Variants in UGT1A9 observed in about 807,000 individuals in gnomAD.
UGT1A9 encodes the protein UDP-glucuronosyltransferase 1A9.
A neutral mutation model predicts 45.0 loss-of-function variants in UGT1A9; 35 were observed. That is an observed-to-expected ratio of 0.78 (90% CI 0.59 to 1.03). UGT1A9 has a LOEUF of 1.03. Ranked by LOEUF, UGT1A9 falls within the 50% of genes least tolerant of loss-of-function variation. The pLI is 0.00. For missense variants in UGT1A9, 687 were observed against 666.6 expected, an observed-to-expected ratio of 1.03 and a Z score of -0.34; for synonymous variants, 278 against 250.6, an observed-to-expected ratio of 1.11 and a Z score of -1.03.
intron 2 of UGT1A9, 137 bp downstream of exon 2, chr2:233,767,302 A>C (rs951994488): frequency 6.5e-7 from 1 of 1,534,936 alleles, no homozygotes; most frequent in Non-Finnish European, 8.7e-7. Context: ...TATTAATCCA[A>C]AGGTTTTTTT....
At position 233,767,045 on chromosome 2, in the gene UGT1A9, CT is replaced by C. The variant is rs756697968; in HGVS notation, c.868del (p.Tyr290ThrfsTer73). On this transcript the variant is annotated frameshift_variant, in exon 2 of 5. Coordinates refer to ENST00000354728, the MANE Select transcript of UGT1A9 (RefSeq NM_021027.3). LOFTEE classifies it high-confidence loss of function. The part of the protein sequence containing the change: ...GKPLPMEFEA[Y>X]INASGEHGIV... The stretch of plus-strand genomic sequence containing the variant: ...TCTTCTGGCTCTAGGAATTTGAAGC[CT>C]ACATTAATGCTTCTGGAGAACATGG... 7.4e-6 allele frequency: 12 copies of C among 1,613,888 alleles called. No homozygotes were observed. The highest frequency in any genetic ancestry group is 9.3e-6 in the Non-Finnish European group (11 of 1,179,996).
At chr2:233,718,152 T>C (rs2125658477) in intron 1 of UGT1A9, 1 of 215,796 alleles carries the variant, frequency 4.6e-6, no homozygotes, top group East Asian at 9.7e-5. Flanking sequence ...AATAAAGCCT[T>C]CCCAAGAATA....
At chr2:233,672,932 C>T (rs45554333) in intron 1 of UGT1A9, 143 bp downstream of exon 1, 16,585 of 1,450,472 alleles carry the variant, frequency 0.011, 227 homozygotes, top group Admixed American at 0.04. Flanking sequence ...TGTGCCAATG[C>T]GTGTACTCGT....
chr2:233,679,709 T>C (rs1352885373), intron 1 of UGT1A9, among the ~76,000 whole-genome samples: 1 of 152,214 alleles, frequency 6.6e-6, no homozygotes, highest in Non-Finnish European at 1.5e-5. Flanking sequence ...TCCTGTTATC[T>C]GGACAATTTT....
chr2:233,695,229 G>A (rs1218832857), intron 1 of UGT1A9, among the ~76,000 whole-genome samples: 1 of 151,334 alleles, frequency 6.6e-6, no homozygotes. Context: ...GGGTTCAAGC[G>A]ATTCTCCTGC....
At chr2:233,734,101 TATA>T (rs549143261) in intron 1 of UGT1A9, among the ~76,000 whole-genome samples, 12 of 151,314 alleles carry the variant, frequency 7.9e-5, no homozygotes, top group South Asian at 4.2e-4. Flanking sequence ...AAACTTAAAG[TATA>T]ATAATAATAA....
At chr2:233,727,412 AG>A (rs1009370497) in intron 1 of UGT1A9, among the ~76,000 whole-genome samples, 2 of 152,150 alleles carry the variant, frequency 1.3e-5, no homozygotes, top group African/African-American at 2.4e-5. Context: ...GGGCCTCCTC[AG>A]GGTCTGGGAG....
At chr2:233,736,960 T>C (rs1472477561) in intron 1 of UGT1A9, among the ~76,000 whole-genome samples, 1 of 152,166 alleles carries the variant, frequency 6.6e-6, no homozygotes, top group Non-Finnish European at 1.5e-5. Context: ...TGGCCCCTAC[T>C]GGGAGGTGTT....
chr2:233,712,899 G>T, intron 1 of UGT1A9: 1 of 1,608,322 alleles, frequency 6.2e-7, no homozygotes, highest in Non-Finnish European at 8.5e-7. Flanking sequence ...TGATTTGCTA[G>T]GTGTCTCAGT....
chr2:233,760,873 C>G, intron 1 of UGT1A9: 1 of 1,614,194 alleles, frequency 6.2e-7, no homozygotes, highest in South Asian at 1.1e-5. Context: ...CGTGCCCAGG[C>G]CTCTCTCCTC....
intron 1 of UGT1A9, chr2:233,690,887 G>A (rs1559344611): frequency 1.9e-6 from 2 of 1,063,582 alleles, no homozygotes; most frequent in Non-Finnish European, 1.1e-6. Flanking sequence ...AGGAATTCAA[G>A]GGATGGTATG....
At position 233,769,586 on chromosome 2, in the gene UGT1A9, A is replaced by G; in HGVS notation, c.1295+1147A>G. ...AAGAGCTGGAGCATGTTCAGATGAG[A>G]GGAGACGGAACACGGGGACACACCA... On this transcript the variant is annotated intron_variant, in intron 4 of 4. Transcript: ENST00000354728. This position sits in a 1 kb window ranked among gnomAD's most constrained non-coding sequence, Gnocchi z 4.4. 2.5e-6 allele frequency: 4 copies of G among 1,612,900 alleles called. No individual in the cohort carries two copies. The highest frequency in any genetic ancestry group is 3.4e-6 in the Non-Finnish European group (4 of 1,179,882).
chr2:233,717,905 A>C (rs2076614960), intron 1 of UGT1A9: 1 of 454,688 alleles, frequency 2.2e-6, no homozygotes, highest in Non-Finnish European at 4.4e-6. Context: ...AGGATGAAAT[A>C]AAGGCCTGGA....
At chr2:233,680,129 C>G (rs989964167) in intron 1 of UGT1A9, among the ~76,000 whole-genome samples, 1 of 152,090 alleles carries the variant, frequency 6.6e-6, no homozygotes, top group Non-Finnish European at 1.5e-5. Flanking sequence ...CGGTACCTAT[C>G]AAGTAATTCA....
chr2:233,770,138 C>T (rs1700024160), intron 4 of UGT1A9: 1 of 152,234 alleles, frequency 6.6e-6, no homozygotes. Context: ...TCCTCTAATA[C>T]ATTATTTTTT....
At chr2:233,752,961 T>G (rs1695097435) in intron 1 of UGT1A9, among the ~76,000 whole-genome samples, 1 of 152,248 alleles carries the variant, frequency 6.6e-6, no homozygotes, top group African/African-American at 2.4e-5. Context: ...ATGGGATTTA[T>G]GTAACCAATT....
intron 1 of UGT1A9, chr2:233,718,618 T>G: frequency 1.1e-6 from 1 of 872,510 alleles, no homozygotes; most frequent in Non-Finnish European, 1.4e-6. Context: ...AAGATAGGCG[T>G]GATTGGTCTT....
intron 1 of UGT1A9, among the ~76,000 whole-genome samples, chr2:233,727,887 G>A (rs1352414906): frequency 2.0e-5 from 3 of 152,190 alleles, no homozygotes; most frequent in Non-Finnish European, 4.4e-5. Flanking sequence ...AGCAATGGCA[G>A]ACACGGCCAG....
chr2:233,750,944 C>T (rs1260619822), intron 1 of UGT1A9, among the ~76,000 whole-genome samples: 5 of 151,882 alleles, frequency 3.3e-5, no homozygotes, highest in Non-Finnish European at 7.3e-5. Flanking sequence ...AGCCCCCACA[C>T]AGAGTCTCCA....
Sources: allele counts gnomAD v4.1 joint callset (sites outside exome capture counted in the v4.1 genomes callset), GRCh38; gene constraint gnomAD v4.1.1; non-coding constraint Gnocchi (gnomAD v3.1); transcripts MANE v1.5; gene names NCBI Gene and HGNC (gene_info 2026-07-23, HGNC 2026-07-21).